TNS3: variants seen among roughly 807,000 people sequenced by gnomAD.
TNS3 encodes the protein tensin-3.
Under a neutral mutation model 140.9 loss-of-function variants are expected in TNS3, and 45 were observed. The observed-to-expected ratio is 0.32, with a 90% CI of 0.25 to 0.41. The LOEUF is 0.41. TNS3 is among the 10% of genes least tolerant of loss of function. The pLI, the probability that TNS3 is intolerant of heterozygous loss-of-function variation, is 1.00. For synonymous variants in TNS3, 815 were observed against 788.4 expected (o/e 1.03, Z -0.56); for missense variants, 1,716 against 1,906.7 (o/e 0.90, Z 1.86).
chr7:47,290,265 A>C (rs1785625729), intron 27 of TNS3, among the ~76,000 whole-genome samples: 1 of 152,240 alleles, frequency 6.6e-6, no homozygotes, highest in Non-Finnish European at 1.5e-5. Flanking sequence ...TTAAAGGTAA[A>C]ATTTGAAACT....
At chr7:47,318,000 A>G (rs1387088834) in intron 20 of TNS3, among the ~76,000 whole-genome samples, 1 of 152,236 alleles carries the variant, frequency 6.6e-6, no homozygotes, top group Admixed American at 6.5e-5. Context: ...ACAGTGCTGT[A>G]GCATCAAGTA....
intron 16 of TNS3, among the ~76,000 whole-genome samples, chr7:47,386,132 T>C (rs1382144010): frequency 6.6e-6 from 1 of 152,216 alleles, no homozygotes; most frequent in Non-Finnish European, 1.5e-5. Flanking sequence ...AAGGGTGTAT[T>C]TTCCTTGTTA....
chr7:47,516,089 T>C (rs578212962), intron 2 of TNS3, among the ~76,000 whole-genome samples: 1 of 152,378 alleles, frequency 6.6e-6, no homozygotes, highest in Non-Finnish European at 1.5e-5. Flanking sequence ...CCTTGTTGTT[T>C]CCAGGTAGCA....
At chr7:47,507,074 C>T (rs1437415214) in intron 2 of TNS3, 130 bp from the exon 3 acceptor site, 6 of 665,514 alleles carry the variant, frequency 9.0e-6, no homozygotes, top group Admixed American at 3.3e-5. Context: ...CTCTCTGGCA[C>T]GAGAGAGATT....
At chr7:47,445,170 C>A (rs1406141233) in intron 4 of TNS3, among the ~76,000 whole-genome samples, 1 of 152,208 alleles carries the variant, frequency 6.6e-6, no homozygotes, top group Non-Finnish European at 1.5e-5. Flanking sequence ...TTGACACCCA[C>A]TCAAATCCCC....
rs1207502690 is a variant in TNS3, at chr7:47,368,844, T to C, written c.1802A>G (p.Tyr601Cys). Residue 601 changes from tyrosine to cysteine, a missense_variant, in exon 17 of 31, where the codon TAT (tyrosine) becomes TGT (cysteine). This residue lies in a region of TNS3 where 1,163 missense variants were observed against 1,182.1 expected (regional missense o/e 0.98). Transcript: ENST00000311160. ...GGCCTCCCCATCTGGGGCGAAGCTA[T>C]ACTGGTGAGCTACAACCATCTGCTG... Reference protein sequence around the residue: ...RQQQMVVAHQYSFAPDGEARL... With the variant: ...RQQQMVVAHQCSFAPDGEARL... The C allele has an allele frequency of 6.2e-7, 1 of 1,613,460 alleles. No individual in the cohort carries two copies. Among genetic ancestry groups the C allele is most frequent in the Non-Finnish European group, 8.5e-7 (1 of 1,179,952 alleles).
At chr7:47,526,056 G>A (rs1425301137) in intron 2 of TNS3, among the ~76,000 whole-genome samples, 1 of 152,210 alleles carries the variant, frequency 6.6e-6, no homozygotes, top group African/African-American at 2.4e-5. Flanking sequence ...CGTCCAAGAC[G>A]TGCTTGCGCG....
chr7:47,540,259 G>A (rs911497403), intron 1 of TNS3, among the ~76,000 whole-genome samples: 1 of 151,700 alleles, frequency 6.6e-6, no homozygotes, highest in East Asian at 1.9e-4. Flanking sequence ...GGAACAAAAT[G>A]AGGTTCTTCC....
intron 4 of TNS3, among the ~76,000 whole-genome samples, chr7:47,443,879 C>A (rs1426021140): frequency 1.3e-5 from 2 of 152,172 alleles, no homozygotes; most frequent in African/African-American, 4.8e-5. Flanking sequence ...CAAGATCGTG[C>A]CACTGCACTC....
intron 4 of TNS3, among the ~76,000 whole-genome samples, chr7:47,467,966 G>T (rs1352752177): frequency 6.6e-6 from 1 of 151,956 alleles, no homozygotes; most frequent in Non-Finnish European, 1.5e-5. Context: ...TATAAATAAT[G>T]CACAAACGAA....
At chr7:47,416,887 T>C (rs1173479889) in intron 10 of TNS3, among the ~76,000 whole-genome samples, 1 of 152,250 alleles carries the variant, frequency 6.6e-6, no homozygotes, top group Non-Finnish European at 1.5e-5. Context: ...TCACCTCCTC[T>C]GGAGCAGTTC....
chr7:47,324,582 T>G (rs1787925324), intron 20 of TNS3, among the ~76,000 whole-genome samples: 1 of 152,146 alleles, frequency 6.6e-6, no homozygotes, highest in Non-Finnish European at 1.5e-5. Context: ...TGAAACCCCA[T>G]CTCTACTAAA....
At chr7:47,494,409 A>G (rs1201823021) in intron 3 of TNS3, among the ~76,000 whole-genome samples, 3 of 152,236 alleles carry the variant, frequency 2.0e-5, no homozygotes, top group African/African-American at 7.2e-5. Flanking sequence ...TGAAAAAGCG[A>G]AAGGTTTTAG....
At chr7:47,318,686 G>A (rs1787552932) in intron 20 of TNS3, among the ~76,000 whole-genome samples, 1 of 152,156 alleles carries the variant, frequency 6.6e-6, no homozygotes, top group Non-Finnish European at 1.5e-5. Flanking sequence ...GAGAGAACCT[G>A]CATAAGAGGC....
chr7:47,554,715 T>C (rs758169731), intron 1 of TNS3, among the ~76,000 whole-genome samples: 9 of 152,152 alleles, frequency 5.9e-5, no homozygotes, highest in Non-Finnish European at 1.2e-4. Flanking sequence ...TTCTTATGCA[T>C]AAGCAAAGAA....
In TNS3 at chr7:47,442,010, G is replaced by T; in HGVS notation, c.-30C>A. The T allele has an allele frequency of 2.3e-6, 3 of 1,290,254 alleles. No homozygotes were observed. Among genetic ancestry groups the T allele is most frequent in the Non-Finnish European group, 3.0e-6 (3 of 988,942 alleles). The allele number at this position is 1,290,254 out of a possible 1,614,324, so 79.9% of individuals were successfully genotyped here. ...ACCCACACAGACACTCACCGCAGAG[G>T]TTTATCACGGCAGAGAGAACTGGAC... On this transcript the variant is annotated 5_prime_UTR_variant, in exon 5 of 31. Coordinates refer to ENST00000311160, the MANE Select transcript of TNS3 (RefSeq NM_022748.12).
At chr7:47,567,418 CT>C (rs1800452844) in intron 1 of TNS3, among the ~76,000 whole-genome samples, 1 of 152,168 alleles carries the variant, frequency 6.6e-6, no homozygotes, top group African/African-American at 2.4e-5. Context: ...GGCACAGTGG[CT>C]CACACCTGTA....
chr7:47,482,687 C>A (rs1393453667), intron 3 of TNS3, among the ~76,000 whole-genome samples: 1 of 152,150 alleles, frequency 6.6e-6, no homozygotes, highest in African/African-American at 2.4e-5. Flanking sequence ...AGAATCAGGG[C>A]CCCTGCCTTT....
At position 47,278,178 on chromosome 7, in the gene TNS3, A is replaced by T; in HGVS notation, c.4236T>A (p.Asp1412Glu). 6.2e-7 allele frequency: 1 copy of T among 1,614,186 alleles called. No homozygotes were observed. Among genetic ancestry groups the T allele is most frequent in the Non-Finnish European group, 8.5e-7 (1 of 1,180,034 alleles). ...FVARKQGSAT[D>E]NVCHLFAEHD... ...GCTCTGCAAACAGGTGGCACACATT[A>T]TCCGTGGCACTGCCCTGCTTCCGGG... Residue 1412 changes from aspartate (D) to glutamate (E), a missense_variant, in exon 31 of 31, where the codon GAT becomes GAA. Physicochemically the swap from Asp to Glu is conservative, Grantham distance 45 (BLOSUM62 2). Coordinates refer to ENST00000311160, the MANE Select transcript of TNS3 (RefSeq NM_022748.12).
Sources: gnomAD v4.1 joint callset for allele counts (sites outside exome capture counted in the v4.1 genomes callset) on GRCh38, gnomAD v4.1.1 for gene constraint, gnomAD v4.1.1 regional missense constraint, MANE v1.5 for transcripts, NCBI Gene and HGNC (gene_info 2026-07-23, HGNC 2026-07-21) for gene names.